The following CSMD1 variants were observed in gnomAD, a reference collection of about 807,000 sequenced individuals.
CSMD1 encodes CUB and Sushi multiple domains 1, also known as CUB and sushi domain-containing protein 1.
In CSMD1, 213 loss-of-function variants were observed where a neutral mutation model predicts 417.5. That is an observed-to-expected ratio of 0.51 (90% CI 0.46 to 0.57). CSMD1 has a LOEUF of 0.57. CSMD1 is among the 20% of genes least tolerant of loss of function. The pLI is 0.00. For missense variants in CSMD1, 6,923 were observed against 4,529.7 expected, an observed-to-expected ratio of 1.53 and a Z score of -15.17; for synonymous variants, 2,862 against 1,736.8, an observed-to-expected ratio of 1.65 and a Z score of -16.11.
rs1388612828 is a variant in CSMD1, at chr8:4,267,305, A to T, written c.415+152648T>A. 5.8e-5 allele frequency among the ~76,000 whole-genome samples: 6 copies of T among 103,806 alleles called. 2 individuals carry two copies. Among genetic ancestry groups the T allele is most frequent in the Non-Finnish European group, 1.6e-4 (6 of 38,660 alleles). 68.1% of individuals were successfully genotyped at this position (103,806 alleles called of 152,430 possible). On this transcript the variant is annotated intron_variant, in intron 3 of 69. Coordinates refer to ENST00000635120, the MANE Select transcript of CSMD1 (RefSeq NM_033225.6). ...ATGTATTAGCTATAACCATTTAGAAAATATAATTTAAAAATTATAAAATAG... is the reference window on the plus strand; with the variant it reads ...ATGTATTAGCTATAACCATTTAGAATATATAATTTAAAAATTATAAAATAG...
intron 1 of CSMD1, among the ~76,000 whole-genome samples, chr8:4,942,809 G>A (rs1808099862): frequency 6.6e-6 from 1 of 152,210 alleles, no homozygotes; most frequent in Admixed American, 6.5e-5. Context: ...CAACTTAAAT[G>A]AAGCTGTGAT....
chr8:3,027,802 G>T (rs995844490), intron 51 of CSMD1, among the ~76,000 whole-genome samples: 4 of 152,216 alleles, frequency 2.6e-5, no homozygotes, highest in Non-Finnish European at 5.9e-5. Context: ...TTCAGAAGCT[G>T]GAAGCAGAAA....
At chr8:3,548,135 T>G (rs1663375732) in intron 10 of CSMD1, among the ~76,000 whole-genome samples, 2 of 152,180 alleles carry the variant, frequency 1.3e-5, no homozygotes, top group South Asian at 2.1e-4. Flanking sequence ...TATTGCTGTA[T>G]GACTCTATCG....
At chr8:3,731,431 G>A (rs576393649) in intron 6 of CSMD1, among the ~76,000 whole-genome samples, 1 of 152,150 alleles carries the variant, frequency 6.6e-6, no homozygotes, top group Non-Finnish European at 1.5e-5. Context: ...ACCTGGCATG[G>A]TCATGATAAT....
chr8:3,490,082 T>C (rs1818282823), intron 11 of CSMD1, among the ~76,000 whole-genome samples: 1 of 152,210 alleles, frequency 6.6e-6, no homozygotes, highest in Non-Finnish European at 1.5e-5. Flanking sequence ...TAAAATTATC[T>C]GTTTATTCAA....
At chr8:4,361,399 G>C (rs1801751706) in intron 3 of CSMD1, among the ~76,000 whole-genome samples, 1 of 151,558 alleles carries the variant, frequency 6.6e-6, no homozygotes, top group Admixed American at 6.6e-5. Context: ...GGCTAACTGT[G>C]TCTCAGGCAC....
At chr8:3,759,030 T>C (rs1797838377) in intron 5 of CSMD1, among the ~76,000 whole-genome samples, 2 of 152,200 alleles carry the variant, frequency 1.3e-5, no homozygotes, top group South Asian at 4.1e-4. Flanking sequence ...CAAACGCCTT[T>C]TCCCATAGAG....
At chr8:3,511,158 G>A (rs1585279495) in intron 10 of CSMD1, among the ~76,000 whole-genome samples, 1 of 151,714 alleles carries the variant, frequency 6.6e-6, no homozygotes, top group African/African-American at 2.4e-5. Context: ...CATGTTCTCA[G>A]TAATAAGTGG....
chr8:3,886,329 G>C (rs939377477), intron 5 of CSMD1, among the ~76,000 whole-genome samples: 1 of 152,194 alleles, frequency 6.6e-6, no homozygotes, highest in Non-Finnish European at 1.5e-5. Context: ...GATTACAGGC[G>C]TGGGCCACTG....
intron 10 of CSMD1, among the ~76,000 whole-genome samples, chr8:3,534,400 GC>G (rs1180779541): frequency 6.6e-6 from 1 of 151,546 alleles, no homozygotes; most frequent in Non-Finnish European, 1.5e-5. Flanking sequence ...TCAGTTTAAT[GC>G]CTCTTGATCT....
chr8:4,733,443 G>A (rs919860271), intron 1 of CSMD1, among the ~76,000 whole-genome samples: 3 of 152,200 alleles, frequency 2.0e-5, no homozygotes, highest in African/African-American at 7.2e-5. Context: ...GAAGGTAGGT[G>A]TCGGAGAAGG....
intron 25 of CSMD1, among the ~76,000 whole-genome samples, chr8:3,293,645 A>T (rs1193683427): frequency 6.6e-6 from 1 of 152,030 alleles, no homozygotes; most frequent in African/African-American, 2.4e-5. Flanking sequence ...TGCATTTGTC[A>T]CGTAGTCCTC....
intron 2 of CSMD1, among the ~76,000 whole-genome samples, chr8:4,489,188 A>G (rs988644673): frequency 4.6e-5 from 7 of 152,190 alleles, no homozygotes; most frequent in Non-Finnish European, 8.8e-5. Flanking sequence ...CTGGGATAAC[A>G]GGCGTGACAC....
chr8:3,408,843 CTA>C (rs1251602281), intron 13 of CSMD1, among the ~76,000 whole-genome samples: 2 of 152,052 alleles, frequency 1.3e-5, no homozygotes, highest in African/African-American at 4.8e-5. Flanking sequence ...GGATTTATCT[CTA>C]GAATACATTT....
chr8:3,844,485 C>G (rs79073374), intron 5 of CSMD1, among the ~76,000 whole-genome samples: 2 of 152,222 alleles, frequency 1.3e-5, no homozygotes, highest in African/African-American at 4.8e-5. Flanking sequence ...AGAGAGCAAT[C>G]TCTTTGGTAA....
In CSMD1 at chr8:3,332,303, C is replaced by G. The variant is rs139942136; in HGVS notation, c.3631+10991G>C. Among the ~76,000 whole-genome samples the G allele has an allele frequency of 1.9e-4, 29 of 152,340 alleles. No individual in the cohort carries two copies. In the East Asian group the frequency reaches 5.6e-3, roughly 29 times the overall value. ...TTGCTTTGCATGTGAATAAGACCCT[C>G]TTGTAAGCTTTTCCTAGCAGAGAAG... On this transcript the variant is annotated intron_variant, in intron 23 of 69. Coordinates refer to ENST00000635120, the MANE Select transcript of CSMD1 (RefSeq NM_033225.6).
intron 5 of CSMD1, among the ~76,000 whole-genome samples, chr8:3,812,055 A>G (rs758532365): frequency 1.3e-5 from 2 of 152,112 alleles, no homozygotes; most frequent in African/African-American, 4.8e-5. Context: ...TCCATAAAGC[A>G]TTTCACGATT....
chr8:3,534,001 T>C (rs935230293), intron 10 of CSMD1, among the ~76,000 whole-genome samples: 6 of 152,178 alleles, frequency 3.9e-5, no homozygotes, highest in East Asian at 1.9e-4. Flanking sequence ...ATATTTTAAA[T>C]CTACTTTTGC....
At chr8:4,157,289 T>C (rs1191772343) in intron 3 of CSMD1, among the ~76,000 whole-genome samples, 4 of 152,184 alleles carry the variant, frequency 2.6e-5, no homozygotes, top group Admixed American at 6.5e-5. Flanking sequence ...AGTGATGCAA[T>C]TGCAGAGCTG....
Sources: gnomAD v4.1 joint callset for allele counts (sites outside exome capture counted in the v4.1 genomes callset) on GRCh38, gnomAD v4.1.1 for gene constraint, MANE v1.5 for transcripts, NCBI Gene and HGNC (gene_info 2026-07-23, HGNC 2026-07-21) for gene names.